The following PLA2G4B variants were observed in gnomAD, a reference collection of about 807,000 sequenced individuals.
PLA2G4B encodes phospholipase A2 group IVB, also known as cytosolic phospholipase A2 beta.
In PLA2G4B, 122 loss-of-function variants were observed where a neutral mutation model predicts 95.8. The ratio of observed to expected loss-of-function variants is 1.27; its 90% CI spans 1.10 to 1.48. The LOEUF is 1.48. Among genes scored for constraint, PLA2G4B ranks in the 40% most tolerant of loss-of-function variants. PLA2G4B has a pLI of 0.00. For synonymous variants in PLA2G4B, 518 were observed against 421.5 expected, an observed-to-expected ratio of 1.23 and a Z score of -2.80; for missense variants, 1,158 against 996.2, an observed-to-expected ratio of 1.16 and a Z score of -2.19.
At chr15:41,847,203 A>G in intron 18 of PLA2G4B, 134 bp from the exon 19 acceptor site, 2 of 1,377,860 alleles carry the variant, frequency 1.5e-6, no homozygotes, top group South Asian at 1.5e-5. Context: ...TTTTTTTCCA[A>G]CGACTGGCTT....
At position 41,842,244 on chromosome 15, in the gene PLA2G4B, C is replaced by T; in HGVS notation, c.673C>T (p.Gln225Ter). Reference protein sequence around the residue: ...KAPLSALPSGQVVRLVFPTSQ... With the variant: ...KAPLSALPSG ...GCCACTGAGTGCCCTGCCCTCTGGTCAAGTGGTGAGGCTTGTCTTCCCCAC... is the reference window on the plus strand; with the variant it reads ...GCCACTGAGTGCCCTGCCCTCTGGTTAAGTGGTGAGGCTTGTCTTCCCCAC... Residue 225 changes from glutamine to a stop codon, truncating the protein, a stop_gained, in exon 9 of 20, where the codon CAA (glutamine) becomes TAA (stop). Coordinates refer to ENST00000458483, the MANE Select transcript of PLA2G4B (RefSeq NM_001114633.2). LOFTEE classifies it high-confidence loss of function. 6.2e-7 allele frequency: 1 copy of T among 1,614,062 alleles called. No homozygotes were observed.
chr15:41,845,929 G>A lies in PLA2G4B; in HGVS notation c.1496-14G>A, dbSNP rs201387744. On this transcript the variant is annotated splice_polypyrimidine_tract_variant and intron_variant, in intron 15 of 19. Transcript: ENST00000458483. ...AGAGTCGGGGGCCCTCTTCCCTCACGGCCGCTCTTTCAGGTATCTGGAGCA... is the reference window on the plus strand; with the variant it reads ...AGAGTCGGGGGCCCTCTTCCCTCACAGCCGCTCTTTCAGGTATCTGGAGCA... The A allele has an allele frequency of 4.3e-5, 65 of 1,514,678 alleles. No individual in the cohort carries two copies. In the African/African-American group the frequency reaches 4.7e-4, roughly 11 times the overall value. The allele number at this position is 1,514,678 out of a possible 1,614,324, so 93.8% of individuals were successfully genotyped here.
chr15:41,840,598 A>G lies in PLA2G4B; in HGVS notation c.157A>G (p.Lys53Glu), dbSNP rs779548193. 2 of 1,614,020 alleles carry G rather than the reference A, an allele frequency of 1.2e-6. No homozygotes were observed. Among genetic ancestry groups the G allele is most frequent in the South Asian group, 1.1e-5 (1 of 91,086 alleles). Reference protein sequence around the residue: ...CSHRLQTRTVKNSSSPVWNQS... With the variant: ...CSHRLQTRTVENSSSPVWNQS... ...CCACAGGCTCCAGACACGCACGGTC[A>G]AGAACAGCAGTAGCCCTGTCTGGAA... is the stretch of plus-strand genomic sequence containing the variant. Residue 53 changes from lysine (K) to glutamate (E), a missense_variant, in exon 3 of 20, where the codon AAG becomes GAG. By Grantham distance (56) the Lys-to-Glu change is moderately conservative. Transcript: ENST00000458483.
At position 41,847,991 on chromosome 15, in the gene PLA2G4B, C is replaced by A; in HGVS notation, c.*131C>A. ...ACGGTCCCAGGGTCCAGGCTGAGGG[C>A]TGGGAGCTCCCTTGCGCCTCAGCAG... On this transcript the variant is annotated 3_prime_UTR_variant, in exon 20 of 20. Coordinates refer to ENST00000458483, the MANE Select transcript of PLA2G4B (RefSeq NM_001114633.2). 7.9e-7 allele frequency: 1 copy of A among 1,272,816 alleles called. No individual in the cohort carries two copies. Among genetic ancestry groups the A allele is most frequent in the Non-Finnish European group, 1.1e-6 (1 of 939,550 alleles). The allele number at this position is 1,272,816 out of a possible 1,614,324, so 78.8% of individuals were successfully genotyped here.
chr15:41,847,893 TCATTCCCTGGCTG>T lies in PLA2G4B; in HGVS notation c.*35_*47del, dbSNP rs1567174922. The T allele has an allele frequency of 1.1e-5, 18 of 1,592,132 alleles. No homozygotes were observed. Among genetic ancestry groups the T allele is most frequent in the Admixed American group, 1.7e-5 (1 of 57,782 alleles). On this transcript the variant is annotated 3_prime_UTR_variant, in exon 20 of 20. Transcript: ENST00000458483. Reference sequence around the variant, plus strand: ...GGCCCCTGCCACCCCTAACTCTCATTCATTCCCTGGCTGCTGAGTTGCAGGTGGGAACTGTCAT... The same window carrying T: ...GGCCCCTGCCACCCCTAACTCTCATTCTGAGTTGCAGGTGGGAACTGTCAT...
Position 41,846,013 on chromosome 15 carries a change from C to A in PLA2G4B, c.1566C>A (p.Phe522Leu). ...ACTGGGCCTCAGAGCCCAGCCAGTT[C>A]TGGGACCGCTGGGTCAGGAACCAGG... is the stretch of plus-strand genomic sequence containing the variant. ...SLYWASEPSQFWDRWVRNQAN... is the reference protein window; with the variant it reads ...SLYWASEPSQLWDRWVRNQAN... The change falls in exon 16 of 20, where the codon TTC (phenylalanine) becomes TTA (leucine). Residue 522 changes from phenylalanine (F) to leucine (L), a missense_variant. Phe to Leu is a conservative substitution (Grantham distance 22). Transcript: ENST00000458483. 1 of 1,535,514 alleles carries A rather than the reference C, an allele frequency of 6.5e-7. No homozygotes were observed. The highest frequency in any genetic ancestry group is 8.8e-7 in the Non-Finnish European group (1 of 1,141,704).
rs181805175 is a variant in PLA2G4B at position 41,845,168 on chromosome 15, C to T, written c.1240-35C>T. 1.8e-3 allele frequency: 2,982 copies of T among 1,613,080 alleles called. 80 individuals are homozygous for T. The Admixed American group carries it at 0.043, about 23-fold the overall frequency. ...TGGGAAAGGCCCTGGGCACCCAGGC[C>T]GCTGTGGGTTTAGGTTCTACGCATC... On this transcript the variant is annotated intron_variant, in intron 13 of 19. Coordinates refer to ENST00000458483, the MANE Select transcript of PLA2G4B (RefSeq NM_001114633.2).
intron 1 of PLA2G4B, 109 bp from the exon 2 acceptor site, chr15:41,840,049 C>T (rs2065395510): frequency 6.5e-6 from 8 of 1,221,740 alleles, no homozygotes; most frequent in Non-Finnish European, 7.9e-6. Context: ...GGAGGATGGG[C>T]CTGGGGTTCA....
At chr15:41,841,641 A>G (rs1209338169) in intron 7 of PLA2G4B, 70 bp downstream of exon 7, 17 of 1,604,264 alleles carry the variant, frequency 1.1e-5, no homozygotes, top group African/African-American at 6.7e-5. Context: ...GCATTGGACA[A>G]TTCTCCTTGG....
rs963211019 is a variant in PLA2G4B at position 41,845,037 on chromosome 15, G to T, written c.1206G>T (p.Trp402Cys). The change falls in exon 13 of 20, where the codon TGG becomes TGT. Residue 402 changes from tryptophan (W) to cysteine (C), a missense_variant. By Grantham distance (215) the Trp-to-Cys change is radical (BLOSUM62 -2). Transcript: ENST00000458483. ...ACCCAAGCTGCTTCACCAACCTGTGGGCCCTCATCAACGAGGCGCTGCTGC... is the reference window on the plus strand; with the variant it reads ...ACCCAAGCTGCTTCACCAACCTGTGTGCCCTCATCAACGAGGCGCTGCTGC... The part of the protein sequence containing the change: ...LGYPSCFTNL[W>C]ALINEALLHD... 6.9e-6 allele frequency: 11 copies of T among 1,600,300 alleles called. No individual in the cohort carries two copies. In the African/African-American group the frequency reaches 8.0e-5, roughly 12 times the overall value.
At chr15:41,847,546 A>C in intron 19 of PLA2G4B, 23 bp downstream of exon 19, 2 of 1,602,132 alleles carry the variant, frequency 1.2e-6, no homozygotes, top group African/African-American at 1.3e-5. Context: ...TCACCTCCCC[A>C]TCCTGCTGCC....
chr15:41,842,713 G>C (rs1468989470), intron 10 of PLA2G4B, 122 bp downstream of exon 10: 2 of 1,476,078 alleles, frequency 1.4e-6, no homozygotes, highest in African/African-American at 2.8e-5. Flanking sequence ...TCTCTGAAGG[G>C]GCTCAGGCTT....
chr15:41,847,836 GAGGCGGCAGCGC>G lies in PLA2G4B; in HGVS notation c.2327_2338del (p.Arg776_Arg779del), dbSNP rs1290046148. ...AGGCTCTGCGCCAGGCAGTGCAGCG[GAGGCGGCAGCGC>G]AGGCCCCACTGATGGCCGGGGCCCC... On this transcript the variant is annotated inframe_deletion, in exon 20 of 20. Coordinates refer to ENST00000458483, the MANE Select transcript of PLA2G4B (RefSeq NM_001114633.2). The G allele has an allele frequency of 1.1e-5, 17 of 1,612,870 alleles. No homozygotes were observed. The highest frequency in any genetic ancestry group is 1.6e-4 in the Middle Eastern group (1 of 6,084).
chr15:41,842,679 A>C, intron 10 of PLA2G4B, 88 bp downstream of exon 10: 3 of 1,536,930 alleles, frequency 2.0e-6, no homozygotes, highest in Non-Finnish European at 2.6e-6. Flanking sequence ...GAGGGGGAGA[A>C]ACAGCCGCCC....
rs142419806 is a variant in PLA2G4B at position 41,840,882 on chromosome 15, G to A, written c.328G>A (p.Glu110Lys). ...TCTGCGGGCTGGGGAGTTCCGGCGC[G>A]AGAGCTTCTCACTGAGCCCTCAGGC... The part of the protein sequence containing the change: ...GTLRAGEFRR[E>K]SFSLSPQGEG... Residue 110 changes from glutamate (E) to lysine (K), a missense_variant, in exon 4 of 20, where the codon GAG (glutamate) becomes AAG (lysine). By Grantham distance (56) the Glu-to-Lys change is moderately conservative. Coordinates refer to ENST00000458483, the MANE Select transcript of PLA2G4B (RefSeq NM_001114633.2). 5.6e-6 allele frequency: 9 copies of A among 1,613,554 alleles called. No homozygotes were observed. Among genetic ancestry groups the A allele is most frequent in the South Asian group, 2.2e-5 (2 of 91,064 alleles).
Position 41,845,956 on chromosome 15 carries a change from C to T in PLA2G4B, c.1509C>T (p.Asn503=), listed in dbSNP as rs561292192. ...RICFLEGIWS[N]LYAANLQDSL... ...CCGCTCTTTCAGGTATCTGGAGCAA[C>T]CTGTATGCAGCCAACCTCCAGGACA... The change falls in exon 16 of 20, where the codon AAC becomes AAT. Residue 503 remains asparagine, a synonymous_variant. Coordinates refer to ENST00000458483, the MANE Select transcript of PLA2G4B (RefSeq NM_001114633.2). The T allele has an allele frequency of 1.8e-5, 27 of 1,515,530 alleles. No individual in the cohort carries two copies. The highest frequency in any genetic ancestry group is 2.2e-5 in the Non-Finnish European group (25 of 1,132,458). The allele number at this position is 1,515,530 out of a possible 1,614,324, so 93.9% of individuals were successfully genotyped here.
Position 41,843,657 on chromosome 15 carries a change from C to T in PLA2G4B, c.744-19C>T, listed in dbSNP as rs965247331. ...GGAGGGTTGAGAGCTGTCTCACAGT[C>T]TCTTCCTTCCCCGGCCAGACTGAGG... is the stretch of plus-strand genomic sequence containing the variant. On this transcript the variant is annotated intron_variant, in intron 10 of 19. Coordinates refer to ENST00000458483, the MANE Select transcript of PLA2G4B (RefSeq NM_001114633.2). 1.2e-5 allele frequency: 19 copies of T among 1,611,212 alleles called. No homozygotes were observed. Among genetic ancestry groups the T allele is most frequent in the Non-Finnish European group, 1.6e-5 (19 of 1,178,262 alleles).
chr15:41,843,453 C>T (rs2065473699), intron 10 of PLA2G4B, among the ~76,000 whole-genome samples: 2 of 152,220 alleles, frequency 1.3e-5, no homozygotes, highest in African/African-American at 2.4e-5. Flanking sequence ...CTCTTTCGGC[C>T]ACGGCATTCT....
Position 41,840,875 on chromosome 15 carries a change from C to A in PLA2G4B, c.321C>A (p.Phe107Leu), listed in dbSNP as rs755387838. Residue 107 changes from phenylalanine to leucine, a missense_variant, in exon 4 of 20, where the codon TTC (phenylalanine) becomes TTA (leucine). By Grantham distance (22) the Phe-to-Leu change is conservative. Coordinates refer to ENST00000458483, the MANE Select transcript of PLA2G4B (RefSeq NM_001114633.2). The stretch of plus-strand genomic sequence containing the variant: ...CGGGGACTCTGCGGGCTGGGGAGTT[C>A]CGGCGCGAGAGCTTCTCACTGAGCC... Reference protein sequence around the residue: ...FDAGTLRAGEFRRESFSLSPQ... With the variant: ...FDAGTLRAGELRRESFSLSPQ... 1 of 1,613,726 alleles carries A rather than the reference C, an allele frequency of 6.2e-7. No homozygotes were observed. Among genetic ancestry groups the A allele is most frequent in the Middle Eastern group, 1.7e-4 (1 of 6,052 alleles).
Sources: allele counts gnomAD v4.1 joint callset (sites outside exome capture counted in the v4.1 genomes callset), GRCh38; gene constraint gnomAD v4.1.1; transcripts MANE v1.5; gene names NCBI Gene and HGNC (gene_info 2026-07-23, HGNC 2026-07-21).